The following PCNX4 variants were observed in gnomAD, a reference collection of about 807,000 sequenced individuals.
PCNX4 encodes the protein pecanex 4.
Under a neutral mutation model 107.2 loss-of-function variants are expected in PCNX4, and 103 were observed. The observed-to-expected ratio is 0.96, with a 90% CI of 0.82 to 1.13. The LOEUF is 1.13. PCNX4 is among the 50% of genes most tolerant of loss of function. PCNX4 has a pLI of 0.00. For missense variants in PCNX4, 1,528 were observed against 1,379.4 expected (o/e 1.11, Z -1.71); for synonymous variants, 541 against 481.7 (o/e 1.12, Z -1.61).
rs962261429 is a variant in PCNX4, at chr14:60,092,005, G to C, written c.-468G>C. ...TTCTGCTAGGCCCAGTGCGAGACCA[G>C]AGCACGAGCGACTCCCGTCGTCCCC... On this transcript the variant is annotated 5_prime_UTR_variant, in exon 1 of 11. Transcript: ENST00000406854. 1.3e-5 allele frequency: 2 copies of C among 152,388 alleles called. No homozygotes were observed. The highest frequency in any genetic ancestry group is 2.9e-5 in the Non-Finnish European group (2 of 68,160). 9.4% of individuals were successfully genotyped at this position (152,388 alleles called of 1,614,324 possible).
At chr14:60,133,916 C>T (rs1896199772) in intron 10 of PCNX4, 54 bp from the exon 11 acceptor site, 8 of 1,503,760 alleles carry the variant, frequency 5.3e-6, no homozygotes, top group Non-Finnish European at 6.3e-6. Context: ...AATATAAAGA[C>T]CTAAATGGAA....
intron 10 of PCNX4, among the ~76,000 whole-genome samples, chr14:60,126,732 A>G (rs560292687): frequency 2.6e-5 from 4 of 152,282 alleles, no homozygotes; most frequent in African/African-American, 9.6e-5. Context: ...CTGAGGCTGG[A>G]TTCCAGGCAT....
At chr14:60,120,317 A>G (rs1895930502) in intron 7 of PCNX4, among the ~76,000 whole-genome samples, 1 of 152,208 alleles carries the variant, frequency 6.6e-6, no homozygotes, top group Non-Finnish European at 1.5e-5. Context: ...CAGGCTGGTC[A>G]TGCAGGCGCT....
intron 6 of PCNX4, among the ~76,000 whole-genome samples, chr14:60,118,045 T>C (rs1895882944): frequency 6.6e-6 from 1 of 152,124 alleles, no homozygotes; most frequent in African/African-American, 2.4e-5. Flanking sequence ...TTCTGCATTA[T>C]CTAATTTGTG....
rs910431305 is a variant in PCNX4 at position 60,137,584 on chromosome 14, A to G, written c.*3363A>G. On this transcript the variant is annotated 3_prime_UTR_variant, in exon 11 of 11. Transcript: ENST00000406854. ...AAGGTATCTGAGGAAACAAGACAAC[A>G]TGATGAAAATCCGAAAGAAGCGACA... The G allele has an allele frequency of 7.9e-5, 12 of 152,252 alleles. No homozygotes were observed. Among genetic ancestry groups the G allele is most frequent in the Admixed American group, 3.3e-4 (5 of 15,280 alleles). The allele number at this position is 152,252 out of a possible 1,614,324, so 9.4% of individuals were successfully genotyped here. A position where few individuals can be genotyped will look rare whatever the true frequency, so the allele number is the denominator to read the frequency against.
In PCNX4 at chr14:60,124,849, A is replaced by G; in HGVS notation, c.2678A>G (p.Asp893Gly). 2 of 1,613,820 alleles carry G rather than the reference A, an allele frequency of 1.2e-6. No individual in the cohort carries two copies. Among genetic ancestry groups the G allele is most frequent in the Middle Eastern group, 1.6e-4 (1 of 6,062 alleles). The change falls in exon 9 of 11, where the codon GAC becomes GGC. Residue 893 changes from aspartate (D) to glycine (G), a missense_variant. Asp to Gly is a moderately conservative substitution (Grantham distance 94). Coordinates refer to ENST00000406854, the MANE Select transcript of PCNX4 (RefSeq NM_001330177.2). ...GCTGTTGACAAAGGAAAACAAGAGG[A>G]CATGCCATATATTCCTCTCATGGAG... ...YPAVDKGKQE[D>G]MPYIPLMEFS... is the part of the protein sequence containing the mutation.
chr14:60,100,311 T>G (rs1895505845), intron 1 of PCNX4, among the ~76,000 whole-genome samples: 1 of 152,178 alleles, frequency 6.6e-6, no homozygotes, highest in Non-Finnish European at 1.5e-5. Context: ...TGTTTTTTAA[T>G]TTTTGAGACG....
chr14:60,114,754 G>T lies in PCNX4; in HGVS notation c.744G>T (p.Leu248Phe), dbSNP rs200195188. ...ACATGAATCAGATTTTACACATCTT[G>T]TTTGTATTTTTACCCTTTCTGTGGG... Reference protein sequence around the residue: ...LEHMNQILHILFVFLPFLWAL... With the variant: ...LEHMNQILHIFFVFLPFLWAL... Residue 248 changes from leucine (L) to phenylalanine (F), a missense_variant, in exon 3 of 11, where the codon TTG becomes TTT. Transcript: ENST00000406854. 1.1e-4 allele frequency: 184 copies of T among 1,613,706 alleles called. No individual in the cohort carries two copies. The African/African-American group carries it at 2.3e-3, about 20-fold the overall frequency.
chr14:60,104,511 T>C (rs219310), intron 1 of PCNX4, among the ~76,000 whole-genome samples: 112,406 of 152,078 alleles, frequency 0.74, 43,981 homozygotes, highest in Non-Finnish European at 0.87. Flanking sequence ...AGATGTGGCC[T>C]CTGTATTCAT....
intron 1 of PCNX4, among the ~76,000 whole-genome samples, chr14:60,103,127 G>A (rs1477502612): frequency 2.0e-5 from 3 of 151,970 alleles, no homozygotes; most frequent in African/African-American, 7.3e-5. Context: ...TTTTTTCCTT[G>A]TGTACCTCTG....
intron 10 of PCNX4, among the ~76,000 whole-genome samples, chr14:60,127,999 A>G (rs1896086409): frequency 6.6e-6 from 1 of 152,206 alleles, no homozygotes; most frequent in South Asian, 2.1e-4. Flanking sequence ...AACTGGCAGA[A>G]GAAAGAATTA....
Position 60,124,896 on chromosome 14 carries a change from T to G in PCNX4, c.2725T>G (p.Leu909Val). 1.2e-6 allele frequency: 2 copies of G among 1,613,842 alleles called. No individual in the cohort carries two copies. The highest frequency in any genetic ancestry group is 1.7e-6 in the Non-Finnish European group (2 of 1,179,772). ...LMEFSCSHSH[L>V]VCLPAEWRTS... ...GGAGTTCAGTTGTTCACATTCTCACTTAGTATGCTTACCCGCAGAGTGGAG... is the reference window on the plus strand; with the variant it reads ...GGAGTTCAGTTGTTCACATTCTCACGTAGTATGCTTACCCGCAGAGTGGAG... Residue 909 changes from leucine (L) to valine (V), a missense_variant, in exon 9 of 11, where the codon TTA becomes GTA. Transcript: ENST00000406854.
intron 9 of PCNX4, 33 bp from the exon 10 acceptor site, chr14:60,125,604 T>C: frequency 2.9e-6 from 4 of 1,374,662 alleles, no homozygotes; most frequent in South Asian, 1.6e-5. Context: ...ACAGCAAATA[T>C]TCTAAAATTC....
At chr14:60,101,021 G>T (rs1895521435) in intron 1 of PCNX4, among the ~76,000 whole-genome samples, 1 of 152,038 alleles carries the variant, frequency 6.6e-6, no homozygotes, top group East Asian at 1.9e-4. Flanking sequence ...TGCTCTCTGA[G>T]AGCTTCCTCT....
At chr14:60,133,107 A>G (rs916408642) in intron 10 of PCNX4, among the ~76,000 whole-genome samples, 2 of 152,224 alleles carry the variant, frequency 1.3e-5, no homozygotes, top group Non-Finnish European at 2.9e-5. Context: ...TACCTAAGAG[A>G]AATAAAAACA....
chr14:60,106,841 C>G (rs1895639618), intron 1 of PCNX4, among the ~76,000 whole-genome samples: 1 of 152,110 alleles, frequency 6.6e-6, no homozygotes, highest in African/African-American at 2.4e-5. Context: ...ACTTTGCTAG[C>G]TGGTTTTGTG....
At chr14:60,115,686 T>A in intron 4 of PCNX4, 33 bp from the exon 5 acceptor site, 1 of 1,566,366 alleles carries the variant, frequency 6.4e-7, no homozygotes, top group Non-Finnish European at 8.7e-7. Context: ...TATTTTGCCT[T>A]AATTAAATTT....
chr14:60,112,610 A>G (rs1895759902), intron 2 of PCNX4, among the ~76,000 whole-genome samples: 1 of 152,206 alleles, frequency 6.6e-6, no homozygotes, highest in South Asian at 2.1e-4. Flanking sequence ...ATTTAGGGGT[A>G]GAATCTAGTT....
At chr14:60,121,161 C>CTTTTTTTTTTTTTTTTTTTTTTTT in intron 7 of PCNX4, 35 bp from the exon 8 acceptor site, 11 of 1,101,176 alleles carry the variant, frequency 1.0e-5, no homozygotes, top group East Asian at 3.7e-5. Flanking sequence ...AAATGATTTT[C>CTTTTTTTTTTTTTTTTTTTTTTTT]TTTTTTTTTT....
Sources: gnomAD v4.1 joint callset for allele counts (sites outside exome capture counted in the v4.1 genomes callset) on GRCh38, gnomAD v4.1.1 for gene constraint, MANE v1.5 for transcripts, NCBI Gene and HGNC (gene_info 2026-07-23, HGNC 2026-07-21) for gene names.